DPY19L1: variants seen among roughly 807,000 people sequenced by gnomAD.
DPY19L1 encodes protein C-mannosyl-transferase DPY19L1.
Under a neutral mutation model 96.9 loss-of-function variants are expected in DPY19L1, and 35 were observed. That is an observed-to-expected ratio of 0.36 (90% CI 0.28 to 0.48). The LOEUF (loss-of-function observed/expected upper bound fraction) is 0.48, where lower values mean the gene tolerates loss of function less well. Among genes scored for constraint, DPY19L1 ranks in the 20% least tolerant of loss-of-function variants. The probability of loss-of-function intolerance (pLI) is 0.99; values close to 1 mark genes in which losing one functional copy is unlikely to be tolerated. For missense variants in DPY19L1, 521 were observed against 777.9 expected (o/e 0.67, Z 3.93); for synonymous variants, 205 against 252.6 (o/e 0.81, Z 1.79).
At chr7:34,964,522 C>T (rs1649236) in intron 10 of DPY19L1, among the ~76,000 whole-genome samples, 40,020 of 151,928 alleles carry the variant, frequency 0.26, 5,497 homozygotes, top group Non-Finnish European at 0.31. Flanking sequence ...GTGAATCCAG[C>T]GACATGCAAA....
rs940472478 is a variant in DPY19L1 at position 35,000,515 on chromosome 7, G to C, written c.764+9953C>G. The C allele has an allele frequency of 7.2e-5, 11 of 152,236 alleles. No individual in the cohort carries two copies. The East Asian group carries it at 1.9e-3, about 27-fold the overall frequency. The allele number at this position is 152,236 out of a possible 1,614,324, so 9.4% of individuals were successfully genotyped here. ...TCGTTAGTTCAATAAATGAGTCTAA[G>C]TAAAATTAACTGAGGAAACTATTAG... On this transcript the variant is annotated intron_variant, in intron 6 of 21. Coordinates refer to ENST00000638088, the MANE Select transcript of DPY19L1 (RefSeq NM_001366673.1).
In DPY19L1 at chr7:34,938,023, T is replaced by C. The variant is rs185466334; in HGVS notation, c.2061A>G (p.Leu687=). 3 of 1,613,952 alleles carry C rather than the reference T, an allele frequency of 1.9e-6. No homozygotes were observed. The highest frequency in any genetic ancestry group is 2.2e-5 in the South Asian group (2 of 91,080). ...ATCTTCTTACACACCATGACTCTTC[T>C]AGAATGTAATAGTTCACTTTTAACT... ...LIKLKVNYYI[L]EESWCVRRSK... The change falls in exon 21 of 22, where the codon CTA becomes CTG. Residue 687 remains leucine, a synonymous_variant. Coordinates refer to ENST00000638088, the MANE Select transcript of DPY19L1 (RefSeq NM_001366673.1).
chr7:35,035,927 G>A (rs1261862862), intron 1 of DPY19L1, among the ~76,000 whole-genome samples: 1 of 151,774 alleles, frequency 6.6e-6, no homozygotes, highest in East Asian at 1.9e-4. Context: ...GGGGGCGGGG[G>A]GAAATGTGCT....
chr7:34,966,840 A>C (rs1784620438), intron 10 of DPY19L1, 54 bp downstream of exon 10: 3 of 1,393,812 alleles, frequency 2.2e-6, no homozygotes, highest in Non-Finnish European at 1.9e-6. Flanking sequence ...ATAAAATATT[A>C]ATCAGGAGTT....
At chr7:34,947,088 GAA>G (rs1784164295) in intron 15 of DPY19L1, among the ~76,000 whole-genome samples, 1 of 152,026 alleles carries the variant, frequency 6.6e-6, no homozygotes, top group Non-Finnish European at 1.5e-5. Context: ...AATTCTTAAA[GAA>G]AAAAAGAGAG....
chr7:34,981,563 G>C (rs759516280), intron 7 of DPY19L1, among the ~76,000 whole-genome samples: 2 of 152,190 alleles, frequency 1.3e-5, no homozygotes, highest in Non-Finnish European at 2.9e-5. Context: ...ATTTAACTTT[G>C]TAAATTCAAT....
intron 7 of DPY19L1, among the ~76,000 whole-genome samples, chr7:34,984,144 A>G (rs1784998502): frequency 6.6e-6 from 1 of 152,234 alleles, no homozygotes; most frequent in African/African-American, 2.4e-5. Context: ...TAGACAGACA[A>G]AAACTAAGGG....
At chr7:35,011,637 T>C (rs751845877) in intron 4 of DPY19L1, among the ~76,000 whole-genome samples, 187 bp from the exon 5 acceptor site, 6 of 152,192 alleles carry the variant, frequency 3.9e-5, no homozygotes, top group Admixed American at 6.5e-5. Flanking sequence ...CAGTTTTCAA[T>C]TGTTCATCCA....
In DPY19L1 at chr7:34,960,670, T is replaced by G. The variant is rs181544921; in HGVS notation, c.1093-2600A>C. Among the ~76,000 whole-genome samples the G allele has an allele frequency of 6.2e-3, 941 of 152,288 alleles. 7 individuals carry two copies. The highest frequency in any genetic ancestry group is 0.021 in the African/African-American group (882 of 41,570). ...GAGGCAGTAGGCATATTTACCATGC[T>G]TCTGGCATTAATGGAAATAGGAAAT... On this transcript the variant is annotated intron_variant, in intron 10 of 21. Transcript: ENST00000638088.
chr7:34,985,447 C>A (rs1222358653), intron 7 of DPY19L1, among the ~76,000 whole-genome samples: 5 of 151,802 alleles, frequency 3.3e-5, no homozygotes, highest in Non-Finnish European at 7.4e-5. Flanking sequence ...GGCCAATATT[C>A]AAAATATATA....
chr7:35,017,420 G>A lies in DPY19L1; in HGVS notation c.411+462C>T, dbSNP rs1216741375. ...TGAGGCAGGAGAATGGCGTGAACCC[G>A]GGAAGCGGAGCTTGCAGTGAGCCGA... is the stretch of plus-strand genomic sequence containing the variant. On this transcript the variant is annotated intron_variant, in intron 3 of 21. Transcript: ENST00000638088. Among the ~76,000 whole-genome samples the A allele has an allele frequency of 1.0e-4, 15 of 150,034 alleles. No homozygotes were observed. The South Asian group carries it at 2.5e-3, about 25-fold the overall frequency.
intron 4 of DPY19L1, 51 bp downstream of exon 4, chr7:35,013,517 C>T: frequency 1.3e-6 from 2 of 1,526,692 alleles, no homozygotes; most frequent in East Asian, 2.3e-5. Flanking sequence ...GCGTTTAATA[C>T]AAAAAAGTTT....
intron 1 of DPY19L1, among the ~76,000 whole-genome samples, chr7:35,027,948 T>C (rs1283401679): frequency 1.3e-5 from 2 of 152,204 alleles, no homozygotes; most frequent in Admixed American, 1.3e-4. Flanking sequence ...AGCACAACTT[T>C]AGTTAATCAG....
At position 34,982,825 on chromosome 7, in the gene DPY19L1, G is replaced by A. The variant is rs550559543; in HGVS notation, c.822+7059C>T. ...ATGAATCTGGCAGATAAAGAGGAGT[G>A]GGGGAGAGTCAGAACTCTGTGAGAT... On this transcript the variant is annotated intron_variant, in intron 7 of 21. Transcript: ENST00000638088. 7.2e-5 allele frequency among the ~76,000 whole-genome samples: 11 copies of A among 152,162 alleles called. No individual in the cohort carries two copies. In the East Asian group the frequency reaches 1.7e-3, roughly 24 times the overall value.
At chr7:34,976,068 G>A (rs1318185853) in intron 7 of DPY19L1, among the ~76,000 whole-genome samples, 1 of 152,150 alleles carries the variant, frequency 6.6e-6, no homozygotes, top group Admixed American at 6.6e-5. Flanking sequence ...CAACTTTCAG[G>A]TCTTATTATT....
intron 1 of DPY19L1, among the ~76,000 whole-genome samples, chr7:35,033,287 C>CT (rs1016338355): frequency 6.6e-6 from 1 of 151,970 alleles, no homozygotes; most frequent in East Asian, 1.9e-4. Context: ...AGGGTATTTC[C>CT]TTTTTTTTCT....
chr7:34,967,888 C>T (rs1173033156), intron 9 of DPY19L1, among the ~76,000 whole-genome samples: 1 of 152,104 alleles, frequency 6.6e-6, no homozygotes, highest in Non-Finnish European at 1.5e-5. Flanking sequence ...GAGAACACTG[C>T]ATTTCTTAGG....
chr7:35,007,977 T>A (rs1372916214), intron 6 of DPY19L1, among the ~76,000 whole-genome samples: 1 of 152,120 alleles, frequency 6.6e-6, no homozygotes, highest in Non-Finnish European at 1.5e-5. Context: ...TCTGTTCCAA[T>A]CTGAATCCTC....
intron 21 of DPY19L1, among the ~76,000 whole-genome samples, chr7:34,937,544 A>T (rs1376372507): frequency 2.0e-5 from 3 of 152,210 alleles, no homozygotes; most frequent in Non-Finnish European, 4.4e-5. Context: ...AGTGCCAATA[A>T]AATCTCTTTA....
Sources: gnomAD v4.1 joint callset for allele counts (sites outside exome capture counted in the v4.1 genomes callset) on GRCh38, gnomAD v4.1.1 for gene constraint, MANE v1.5 for transcripts, NCBI Gene and HGNC (gene_info 2026-07-23, HGNC 2026-07-21) for gene names.